Variants in R3HCC1L observed in about 807,000 individuals in gnomAD.
The protein encoded by R3HCC1L is coiled-coil domain-containing protein R3HCC1L.
R3HCC1L carries 51 observed loss-of-function variants against 59.9 expected under a neutral mutation model. The ratio of observed to expected loss-of-function variants is 0.85; its 90% CI spans 0.68 to 1.07. The LOEUF (loss-of-function observed/expected upper bound fraction) is 1.07, where lower values mean the gene tolerates loss of function less well. Ranked by LOEUF, R3HCC1L falls within the 50% of genes least tolerant of loss-of-function variation. The pLI is 0.00. For missense variants in R3HCC1L, 965 were observed against 933.0 expected (o/e 1.03, Z -0.45); for synonymous variants, 322 against 315.2 (o/e 1.02, Z -0.23).
chr10:98,188,136 T>C (rs545893780), intron 4 of R3HCC1L, among the ~76,000 whole-genome samples: 103 of 152,310 alleles, frequency 6.8e-4, no homozygotes, highest in African/African-American at 2.3e-3. Context: ...GAATTGATAC[T>C]GCTTTGTGCC....
intron 1 of R3HCC1L, among the ~76,000 whole-genome samples, chr10:98,147,196 G>A (rs1384498164): frequency 2.0e-5 from 3 of 151,994 alleles, no homozygotes; most frequent in East Asian, 1.9e-4. Flanking sequence ...CCTGTTGGCC[G>A]TTTGAATGTC....
chr10:98,204,913 G>A lies in R3HCC1L; in HGVS notation c.-14-3188G>A, dbSNP rs137920468. Reference sequence around the variant, plus strand: ...GGGATCTTGGTACATATCTGCCGCAGATAAGAGTGGGGACTACTGTATCCT... The same window carrying A: ...GGGATCTTGGTACATATCTGCCGCAAATAAGAGTGGGGACTACTGTATCCT... On this transcript the variant is annotated intron_variant, in intron 4 of 9. Coordinates refer to ENST00000298999, the MANE Select transcript of R3HCC1L (RefSeq NM_001351015.2). 2.7e-4 allele frequency among the ~76,000 whole-genome samples: 41 copies of A among 152,218 alleles called. No individual in the cohort carries two copies. The East Asian group carries it at 7.9e-3, about 29-fold the overall frequency.
intron 2 of R3HCC1L, among the ~76,000 whole-genome samples, chr10:98,158,504 A>G (rs1435528557): frequency 2.6e-5 from 4 of 152,204 alleles, no homozygotes; most frequent in Non-Finnish European, 5.9e-5. Context: ...ATTTTACTGC[A>G]TTCCCTTTCT....
intron 4 of R3HCC1L, among the ~76,000 whole-genome samples, chr10:98,183,958 G>GTTTTTTTTTTTTTTTTTTTTT (rs71007380): frequency 2.8e-4 from 35 of 126,554 alleles, no homozygotes; most frequent in African/African-American, 8.7e-4. Flanking sequence ...TCCTTTTTCG[G>GTTTTTTTTTTTTTTTTTTTTT]TTTTTTTTTT....
intron 4 of R3HCC1L, among the ~76,000 whole-genome samples, chr10:98,166,805 A>G (rs760890772): frequency 2.6e-5 from 4 of 152,158 alleles, no homozygotes; most frequent in Non-Finnish European, 4.4e-5. Context: ...AGCTGGGACT[A>G]CAGGTGCGTG....
At chr10:98,229,299 A>G (rs1429729122) in intron 5 of R3HCC1L, among the ~76,000 whole-genome samples, 1 of 152,176 alleles carries the variant, frequency 6.6e-6, no homozygotes, top group African/African-American at 2.4e-5. Context: ...GAGGTCCTTC[A>G]CATCCCTTGT....
At chr10:98,206,056 C>T (rs866813887) in intron 4 of R3HCC1L, among the ~76,000 whole-genome samples, 17 of 152,080 alleles carry the variant, frequency 1.1e-4, no homozygotes, top group African/African-American at 3.4e-4. Flanking sequence ...GAAATCTTGT[C>T]TCTTTTATAG....
At chr10:98,214,099 C>G (rs1040505315) in intron 5 of R3HCC1L, among the ~76,000 whole-genome samples, 5 of 152,054 alleles carry the variant, frequency 3.3e-5, no homozygotes, top group African/African-American at 9.7e-5. Flanking sequence ...AAAAATCTCC[C>G]TTTGAGCTCT....
rs1317537550 is a variant in R3HCC1L at position 98,134,693 on chromosome 10, G to A, written c.-281G>A. 3.9e-5 allele frequency: 6 copies of A among 152,438 alleles called. No homozygotes were observed. In the East Asian group the frequency reaches 9.7e-4, roughly 25 times the overall value. The allele number at this position is 152,438 out of a possible 1,614,324, so 9.4% of individuals were successfully genotyped here. ...TTCGCGGAGACGGCGGAAGCGGAGA[G>A]CAACAGCGCGCCGGTAACAACCAGC... On this transcript the variant is annotated 5_prime_UTR_variant, in exon 1 of 10. Transcript: ENST00000298999.
intron 1 of R3HCC1L, among the ~76,000 whole-genome samples, chr10:98,137,199 G>C (rs1354577572): frequency 6.6e-6 from 1 of 152,028 alleles, no homozygotes; most frequent in Non-Finnish European, 1.5e-5. Context: ...GACAGAGCAA[G>C]ACTCCCGTCT....
chr10:98,160,700 T>G (rs1355922685), intron 2 of R3HCC1L, among the ~76,000 whole-genome samples: 1 of 152,208 alleles, frequency 6.6e-6, no homozygotes, highest in East Asian at 1.9e-4. Flanking sequence ...TTCTTCAGTA[T>G]GTGAAACATC....
intron 4 of R3HCC1L, among the ~76,000 whole-genome samples, chr10:98,198,189 A>G (rs1360477654): frequency 6.6e-6 from 1 of 152,082 alleles, no homozygotes; most frequent in African/African-American, 2.4e-5. Flanking sequence ...AGAGGAGAGC[A>G]GTGAATTTTT....
intron 4 of R3HCC1L, among the ~76,000 whole-genome samples, chr10:98,188,596 T>C (rs1009604916): frequency 5.9e-5 from 9 of 152,212 alleles, no homozygotes; most frequent in African/African-American, 2.2e-4. Context: ...TTCATTTCTG[T>C]GCCTCAGTTA....
intron 5 of R3HCC1L, among the ~76,000 whole-genome samples, chr10:98,218,723 C>G (rs1331432905): frequency 6.6e-6 from 1 of 152,098 alleles, no homozygotes; most frequent in Non-Finnish European, 1.5e-5. Flanking sequence ...TCCAATGTTT[C>G]TCTGTTGATT....
intron 4 of R3HCC1L, among the ~76,000 whole-genome samples, chr10:98,206,944 ACT>A (rs949891716): frequency 2.0e-5 from 3 of 152,246 alleles, no homozygotes; most frequent in Non-Finnish European, 4.4e-5. Context: ...CACTGGAGAT[ACT>A]TGATGATCAG....
chr10:98,155,181 CT>C (rs1015392712), intron 1 of R3HCC1L, among the ~76,000 whole-genome samples: 4 of 152,180 alleles, frequency 2.6e-5, no homozygotes, highest in Non-Finnish European at 5.9e-5. Flanking sequence ...TATTACTACT[CT>C]GTCTCACTGC....
At chr10:98,237,249 C>T (rs1048044440) in intron 9 of R3HCC1L, among the ~76,000 whole-genome samples, 6 of 152,166 alleles carry the variant, frequency 3.9e-5, no homozygotes, top group Non-Finnish European at 8.8e-5. Context: ...GAAACATAAC[C>T]GGATTCCTTG....
chr10:98,158,164 A>G (rs1202288821), intron 2 of R3HCC1L, among the ~76,000 whole-genome samples: 2 of 152,196 alleles, frequency 1.3e-5, no homozygotes, highest in African/African-American at 4.8e-5. Context: ...ATCAGTGTAT[A>G]TATTTTTCTA....
chr10:98,190,297 C>T (rs1407325423), intron 4 of R3HCC1L, among the ~76,000 whole-genome samples: 1 of 151,930 alleles, frequency 6.6e-6, no homozygotes, highest in Non-Finnish European at 1.5e-5. Context: ...AGTGGGAAGA[C>T]CTTGAAAGTG....
Sources: allele counts gnomAD v4.1 joint callset (sites outside exome capture counted in the v4.1 genomes callset), GRCh38; gene constraint gnomAD v4.1.1; transcripts MANE v1.5; gene names NCBI Gene and HGNC (gene_info 2026-07-23, HGNC 2026-07-21).